AKAP19: variants seen among roughly 807,000 people sequenced by gnomAD.
AKAP19 encodes A-kinase anchoring protein 19.
At chr2:190,045,937 G>A in the AKAP19 span, among the ~76,000 whole-genome samples, 8 of 152,332 alleles carry the variant, frequency 5.3e-5, no homozygotes, top group African/African-American at 1.9e-4. Flanking sequence ...AGGCCCTGGT[G>A]GAGTGGGTTC....
the AKAP19 span, among the ~76,000 whole-genome samples, chr2:190,000,733 G>A: frequency 6.6e-6 from 1 of 152,238 alleles, no homozygotes; most frequent in South Asian, 2.1e-4. Flanking sequence ...TGTTTCTGAT[G>A]AGAAGTTAGC....
At chr2:190,154,065 C>G in the AKAP19 span, among the ~76,000 whole-genome samples, 1 of 152,084 alleles carries the variant, frequency 6.6e-6, no homozygotes. Context: ...GGATTTCCCT[C>G]TATTTCAACA....
At chr2:189,988,598 C>T in the AKAP19 span, among the ~76,000 whole-genome samples, 2 of 152,190 alleles carry the variant, frequency 1.3e-5, no homozygotes, top group Non-Finnish European at 2.9e-5. Flanking sequence ...ATATCTTGGA[C>T]TTTGGACTAC....
chr2:190,059,214 G>T, the AKAP19 span, among the ~76,000 whole-genome samples: 2 of 151,860 alleles, frequency 1.3e-5, no homozygotes, highest in Non-Finnish European at 2.9e-5. Flanking sequence ...AACGTAAAAA[G>T]ATGTGATCAC....
chr2:190,060,028 G>A, the AKAP19 span: 1 of 1,590,344 alleles, frequency 6.3e-7, no homozygotes, highest in Non-Finnish European at 8.6e-7. Flanking sequence ...AAAAACATAA[G>A]GTTATTATAA....
chr2:190,156,558 C>T, the AKAP19 span, among the ~76,000 whole-genome samples: 1 of 152,198 alleles, frequency 6.6e-6, no homozygotes, highest in East Asian at 1.9e-4. Context: ...TTGGACTATA[C>T]TAAAGTGCTT....
chr2:189,975,983 A>G, the AKAP19 span, among the ~76,000 whole-genome samples: 19 of 152,086 alleles, frequency 1.2e-4, no homozygotes, highest in Admixed American at 1.2e-3. Flanking sequence ...TCTCTCAACT[A>G]GTCAGTCATT....
the AKAP19 span, among the ~76,000 whole-genome samples, chr2:190,126,996 T>C: frequency 8.1e-4 from 124 of 152,198 alleles, 1 homozygote; most frequent in Admixed American, 7.6e-3. Context: ...CATATTTCAG[T>C]ACAGCTTCCT....
At chr2:190,169,076 A>G in the AKAP19 span, among the ~76,000 whole-genome samples, 1 of 152,158 alleles carries the variant, frequency 6.6e-6, no homozygotes, top group South Asian at 2.1e-4. Flanking sequence ...CAAAAGGATG[A>G]GGTTTATTGG....
chr2:190,051,392 C>T, the AKAP19 span, among the ~76,000 whole-genome samples: 2,846 of 152,272 alleles, frequency 0.019, 97 homozygotes, highest in African/African-American at 0.065. Context: ...GCCACTGTCA[C>T]AATCACTGCC....
At chr2:190,021,381 G>A in the AKAP19 span, among the ~76,000 whole-genome samples, 1 of 152,086 alleles carries the variant, frequency 6.6e-6, no homozygotes, top group African/African-American at 2.4e-5. Flanking sequence ...TTGTTTTGTT[G>A]TATTCCCTAG....
chr2:190,141,759 A>AC, the AKAP19 span, among the ~76,000 whole-genome samples: 1 of 152,182 alleles, frequency 6.6e-6, no homozygotes, highest in Non-Finnish European at 1.5e-5. Context: ...TTATTGAGCA[A>AC]AGGGGGCTTG....
chr2:189,935,473 T>C, the AKAP19 span, among the ~76,000 whole-genome samples: 6 of 152,058 alleles, frequency 3.9e-5, no homozygotes, highest in Admixed American at 2.6e-4. Context: ...ATTGACAGAA[T>C]TAAATCAGTG....
chr2:190,161,121 C>CTT, the AKAP19 span, among the ~76,000 whole-genome samples: 4 of 152,026 alleles, frequency 2.6e-5, no homozygotes, highest in African/African-American at 9.7e-5. Context: ...TTAAATTAAA[C>CTT]TTTTTTTTCT....
chr2:189,911,863 C>G, the AKAP19 span, among the ~76,000 whole-genome samples: 974 of 151,876 alleles, frequency 6.4e-3, 7 homozygotes, highest in Middle Eastern at 0.028. Flanking sequence ...TCTTAAAAAG[C>G]TCTATTTGTT....
the AKAP19 span, among the ~76,000 whole-genome samples, chr2:190,093,543 A>C: frequency 6.6e-6 from 1 of 152,346 alleles, no homozygotes; most frequent in South Asian, 2.1e-4. Flanking sequence ...AGAGGAAAAT[A>C]GAGTTTAGTT....
chr2:189,949,056 A>G, the AKAP19 span, among the ~76,000 whole-genome samples: 1 of 152,180 alleles, frequency 6.6e-6, no homozygotes, highest in African/African-American at 2.4e-5. Flanking sequence ...AGTATTCACA[A>G]TGAGGATTGG....
chr2:190,073,432 A>G, the AKAP19 span, among the ~76,000 whole-genome samples: 1 of 152,184 alleles, frequency 6.6e-6, no homozygotes, highest in Non-Finnish European at 1.5e-5. Flanking sequence ...GGCAAATAGA[A>G]TTATGGGAAA....
the AKAP19 span, among the ~76,000 whole-genome samples, chr2:190,160,914 A>G: frequency 5.3e-3 from 808 of 152,284 alleles, 2 homozygotes; most frequent in Middle Eastern, 0.02. Context: ...CTTGCTTTAA[A>G]TGAAATCTAA....
Sources: allele counts gnomAD v4.1 joint callset (sites outside exome capture counted in the v4.1 genomes callset), GRCh38; gene constraint gnomAD v4.1.1; transcripts MANE v1.5; gene names NCBI Gene and HGNC (gene_info 2026-07-23, HGNC 2026-07-21).